CACNA1D: variants seen among roughly 807,000 people sequenced by gnomAD.
CACNA1D encodes the protein voltage-dependent L-type calcium channel subunit alpha-1D.
A neutral mutation model predicts 257.1 loss-of-function variants in CACNA1D; 55 were observed. The ratio of observed to expected loss-of-function variants is 0.21; its 90% CI spans 0.17 to 0.27. CACNA1D has a LOEUF of 0.27. Ranked by LOEUF, CACNA1D falls within the 10% of genes least tolerant of loss-of-function variation. CACNA1D has a pLI of 1.00. For synonymous variants in CACNA1D, 980 were observed against 1,014.9 expected, an observed-to-expected ratio of 0.97 and a Z score of 0.65; for missense variants, 1,876 against 2,784.0, an observed-to-expected ratio of 0.67 and a Z score of 7.34.
At chr3:53,772,690 T>C in intron 32 of CACNA1D, 143 bp from the exon 33 acceptor site, 4 of 685,524 alleles carry the variant, frequency 5.8e-6, no homozygotes, top group Non-Finnish European at 1.1e-5. Context: ...ATTTAAACGG[T>C]TCTTCCTCAC....
chr3:53,608,960 A>G lies in CACNA1D; in HGVS notation c.484-41819A>G, dbSNP rs116606552. On this transcript the variant is annotated intron_variant, in intron 3 of 47. Transcript: ENST00000350061. ...AGTTTTCTTTCTTTAAATGTCTGGT[A>G]TTGTTGGCTTCATAAAATAAGCTGA... is the stretch of plus-strand genomic sequence containing the variant. Among the ~76,000 whole-genome samples the G allele has an allele frequency of 3.7e-3, 569 of 152,240 alleles. 7 individuals are homozygous for G. The highest frequency in any genetic ancestry group is 0.013 in the African/African-American group (547 of 41,548).
intron 32 of CACNA1D, among the ~76,000 whole-genome samples, chr3:53,770,952 G>A (rs891487628): frequency 2.0e-5 from 3 of 152,218 alleles, no homozygotes; most frequent in Non-Finnish European, 2.9e-5. Context: ...TGCTGTGTCT[G>A]TTGGCTAGTC....
chr3:53,554,867 G>A (rs2092608955), intron 3 of CACNA1D, among the ~76,000 whole-genome samples: 1 of 152,156 alleles, frequency 6.6e-6, no homozygotes, highest in Non-Finnish European at 1.5e-5. Context: ...ATGACTATTT[G>A]CATTCTAGTC....
chr3:53,655,799 G>C (rs770983200), intron 4 of CACNA1D, among the ~76,000 whole-genome samples: 34 of 152,048 alleles, frequency 2.2e-4, no homozygotes, highest in Non-Finnish European at 4.1e-4. Context: ...CCATATGTCA[G>C]GTTTTGCTTT....
At chr3:53,734,356 TATAC>T (rs1260913128) in intron 19 of CACNA1D, among the ~76,000 whole-genome samples, 2 of 151,900 alleles carry the variant, frequency 1.3e-5, no homozygotes, top group African/African-American at 2.4e-5. Flanking sequence ...AATTTAAACA[TATAC>T]ATACATATTT....
intron 4 of CACNA1D, among the ~76,000 whole-genome samples, chr3:53,655,238 T>G (rs1559473945): frequency 6.6e-6 from 1 of 152,234 alleles, no homozygotes; most frequent in Non-Finnish European, 1.5e-5. Context: ...GTAGGTTGAT[T>G]CCATGTCTTT....
At position 53,800,511 on chromosome 3, in the gene CACNA1D, CCT is replaced by C. The variant is rs2095530964; in HGVS notation, c.5040+149_5040+150del. ...AGGGGCTTTCAGACCACACCCTCCC[CCT>C]CTTACAGACCCTCCCCAGGCATCAG... On this transcript the variant is annotated intron_variant, in intron 41 of 47. Transcript: ENST00000350061. The surrounding 1 kb of genome is among the most constrained non-coding windows in gnomAD (Gnocchi z 4.3). The C allele has an allele frequency of 1.3e-6, 1 of 745,160 alleles. No individual in the cohort carries two copies. The highest frequency in any genetic ancestry group is 2.5e-6 in the Non-Finnish European group (1 of 405,730). The allele number at this position is 745,160 out of a possible 1,614,324, so 46.2% of individuals were successfully genotyped here.
Position 53,772,879 on chromosome 3 carries a change from A to C in CACNA1D, c.4091A>C (p.Tyr1364Ser). The change falls in exon 33 of 48, where the codon TAT (tyrosine) becomes TCT (serine). Residue 1364 changes from tyrosine to serine, a missense_variant. Around this residue, in one of 10 missense-constraint regions of CACNA1D, gnomAD observed 204 missense variants for 309.4 expected, o/e 0.66. Transcript: ENST00000350061. ...CTCATAGCCATGCTGTTCTTCATCT[A>C]TGCGGTCATTGGCATGCAGGTAAGC... ...ALLIAMLFFI[Y>S]AVIGMQMFGK... 6.2e-7 allele frequency: 1 copy of C among 1,613,796 alleles called. No individual in the cohort carries two copies. The highest frequency in any genetic ancestry group is 8.5e-7 in the Non-Finnish European group (1 of 1,179,934).
At chr3:53,769,020 G>A (rs1454992222) in intron 30 of CACNA1D, among the ~76,000 whole-genome samples, 1 of 152,212 alleles carries the variant, frequency 6.6e-6, no homozygotes, top group Non-Finnish European at 1.5e-5. Flanking sequence ...CTCTGGTTCC[G>A]CTGACTGTTG....
rs1212099436 is a variant in CACNA1D at position 53,752,462 on chromosome 3, C to T, written c.3675+555C>T. Among the ~76,000 whole-genome samples, 3 of 152,152 alleles carry T rather than the reference C, an allele frequency of 2.0e-5. 1 individual carries two copies. The highest frequency in any genetic ancestry group is 4.1e-4 in the South Asian group (2 of 4,826). On this transcript the variant is annotated intron_variant, in intron 28 of 47. Coordinates refer to ENST00000350061, the MANE Select transcript of CACNA1D (RefSeq NM_001128840.3). ...TAGCCCAGGCTGGAGTGCAGTAGCG[C>T]GATCTCGGCTCACTGCAACCTCCGC... is the stretch of plus-strand genomic sequence containing the variant.
intron 3 of CACNA1D, among the ~76,000 whole-genome samples, chr3:53,512,907 A>G (rs2091179180): frequency 6.6e-6 from 1 of 152,240 alleles, no homozygotes; most frequent in Admixed American, 6.5e-5. Flanking sequence ...TTAATTTCAT[A>G]AAATACTTTA....
chr3:53,599,675 G>A (rs761504561), intron 3 of CACNA1D, among the ~76,000 whole-genome samples: 1 of 152,124 alleles, frequency 6.6e-6, no homozygotes, highest in Non-Finnish European at 1.5e-5. Context: ...TGAATGACAC[G>A]ATATAAGTAA....
chr3:53,689,005 T>G (rs919044745), intron 8 of CACNA1D, among the ~76,000 whole-genome samples: 1 of 152,110 alleles, frequency 6.6e-6, no homozygotes, highest in East Asian at 1.9e-4. Context: ...CAGGGCCCAG[T>G]GTAGATTCCA....
chr3:53,574,440 T>C (rs911016312), intron 3 of CACNA1D, among the ~76,000 whole-genome samples: 1 of 152,178 alleles, frequency 6.6e-6, no homozygotes, highest in Non-Finnish European at 1.5e-5. Context: ...AGTGTTTATT[T>C]TTAATTCTAA....
At chr3:53,743,284 TTG>T (rs919828892) in intron 22 of CACNA1D, among the ~76,000 whole-genome samples, 167 bp downstream of exon 22, 18 of 152,248 alleles carry the variant, frequency 1.2e-4, no homozygotes, top group African/African-American at 4.3e-4. Context: ...TCATGTTTTC[TTG>T]TGTGTGTGTG....
At chr3:53,777,940 A>G (rs2109046603) in intron 37 of CACNA1D, among the ~76,000 whole-genome samples, 1 of 152,354 alleles carries the variant, frequency 6.6e-6, no homozygotes, top group East Asian at 1.9e-4. Flanking sequence ...TACAGTCTGC[A>G]TAGCAACTAG....
At chr3:53,576,250 T>C (rs890357953) in intron 3 of CACNA1D, among the ~76,000 whole-genome samples, 1 of 152,218 alleles carries the variant, frequency 6.6e-6, no homozygotes, top group Non-Finnish European at 1.5e-5. Context: ...TGTTATATTA[T>C]AAAAATGCCA....
intron 11 of CACNA1D, 137 bp from the exon 12 acceptor site, chr3:53,722,177 G>A (rs1033155518): frequency 1.3e-6 from 1 of 781,976 alleles, no homozygotes; most frequent in Non-Finnish European, 2.2e-6. Context: ...TGTGCCATTT[G>A]TGCTCATCTT....
At chr3:53,548,946 A>C (rs567947991) in intron 3 of CACNA1D, among the ~76,000 whole-genome samples, 1 of 152,142 alleles carries the variant, frequency 6.6e-6, no homozygotes, top group Non-Finnish European at 1.5e-5. Flanking sequence ...GGGGACTTCT[A>C]TTGTACTTGT....
Sources: gnomAD v4.1 joint callset for allele counts (sites outside exome capture counted in the v4.1 genomes callset) on GRCh38, gnomAD v4.1.1 for gene constraint, gnomAD v4.1.1 regional missense constraint, Gnocchi (gnomAD v3.1) non-coding constraint, MANE v1.5 for transcripts, NCBI Gene and HGNC (gene_info 2026-07-23, HGNC 2026-07-21) for gene names.